The following CCDC91 variants were observed in gnomAD, a reference collection of about 807,000 sequenced individuals.
CCDC91 encodes coiled-coil domain containing 91.
A neutral mutation model predicts 63.2 loss-of-function variants in CCDC91; 48 were observed. The observed-to-expected ratio is 0.76, with a 90% CI of 0.60 to 0.97. The LOEUF is 0.97. CCDC91 is among the 50% of genes least tolerant of loss of function. The pLI, the probability that CCDC91 is intolerant of heterozygous loss-of-function variation, is 0.00. For synonymous variants in CCDC91, 167 were observed against 165.8 expected (o/e 1.01, Z -0.06); for missense variants, 500 against 494.6 (o/e 1.01, Z -0.10).
chr12:28,209,404 A>G (rs1372727032), intron 1 of CCDC91, among the ~76,000 whole-genome samples: 1 of 152,170 alleles, frequency 6.6e-6, no homozygotes, highest in African/African-American at 2.4e-5. Context: ...TCACACACAG[A>G]ATTTCTTTAA....
intron 1 of CCDC91, among the ~76,000 whole-genome samples, chr12:28,228,602 G>A (rs1944414544): frequency 6.6e-6 from 1 of 152,044 alleles, no homozygotes; most frequent in South Asian, 2.1e-4. Flanking sequence ...CTAAATTTTA[G>A]AAAGTTATTT....
chr12:28,342,859 A>C (rs1437987027), intron 6 of CCDC91, among the ~76,000 whole-genome samples: 2 of 152,112 alleles, frequency 1.3e-5, no homozygotes, highest in Non-Finnish European at 2.9e-5. Context: ...GAGTAAAGAG[A>C]GTTGAGGAGA....
Position 28,454,754 on chromosome 12 carries a change from G to A in CCDC91, c.1101+2100G>A, listed in dbSNP as rs1466932095. ...ATCCAACTTTCTTCCCACCAGAGAA[G>A]TTGAGAGCTGTGGGTTTCCTTTGAT... On this transcript the variant is annotated intron_variant, in intron 11 of 12. Transcript: ENST00000536442. Among the ~76,000 whole-genome samples the A allele has an allele frequency of 5.9e-5, 9 of 152,228 alleles. No homozygotes were observed. In the South Asian group the frequency reaches 1.5e-3, roughly 25 times the overall value.
chr12:28,333,206 T>G (rs757418220), intron 6 of CCDC91, among the ~76,000 whole-genome samples: 2 of 151,308 alleles, frequency 1.3e-5, no homozygotes. Flanking sequence ...CTATCATGGC[T>G]AACATGGTGA....
chr12:28,267,824 T>TA (rs1565699921), intron 3 of CCDC91, among the ~76,000 whole-genome samples: 1 of 30,820 alleles, frequency 3.2e-5, no homozygotes. Flanking sequence ...AATTATATTA[T>TA]TAATATATAA....
chr12:28,236,502 T>G (rs921955090), intron 1 of CCDC91: 1 of 151,950 alleles, frequency 6.6e-6, no homozygotes, highest in Non-Finnish European at 1.5e-5. Flanking sequence ...TATCTTTTCT[T>G]CATATAAAAT....
chr12:28,242,943 G>A (rs1158368564), intron 1 of CCDC91, among the ~76,000 whole-genome samples: 2 of 152,072 alleles, frequency 1.3e-5, no homozygotes, highest in African/African-American at 4.8e-5. Flanking sequence ...CTTCCCCTCT[G>A]CCTTCTGTCA....
At chr12:28,315,616 G>A (rs1022832806) in intron 6 of CCDC91, among the ~76,000 whole-genome samples, 1 of 151,832 alleles carries the variant, frequency 6.6e-6, no homozygotes, top group African/African-American at 2.4e-5. Context: ...TTCAATCCAG[G>A]ATCACATTAT....
At chr12:28,369,974 G>A (rs574573146) in intron 7 of CCDC91, among the ~76,000 whole-genome samples, 46 of 152,254 alleles carry the variant, frequency 3.0e-4, no homozygotes, top group Admixed American at 3.9e-4. Flanking sequence ...TCCCTCCTAG[G>A]CCTCTACGGG....
chr12:28,417,211 GCTTAT>G (rs1056218840), intron 8 of CCDC91, among the ~76,000 whole-genome samples: 3 of 151,724 alleles, frequency 2.0e-5, no homozygotes, highest in South Asian at 4.1e-4. Flanking sequence ...TAATTTTTTT[GCTTAT>G]CTTATTTGTG....
intron 1 of CCDC91, among the ~76,000 whole-genome samples, chr12:28,215,449 C>A (rs927398303): frequency 6.6e-6 from 1 of 152,066 alleles, no homozygotes; most frequent in African/African-American, 2.4e-5. Flanking sequence ...TGATTATTTC[C>A]TCTTCCAGTA....
At chr12:28,276,084 C>T (rs552340127) in intron 3 of CCDC91, among the ~76,000 whole-genome samples, 1 of 152,040 alleles carries the variant, frequency 6.6e-6, no homozygotes, top group South Asian at 2.1e-4. Context: ...CCCTCTCTCA[C>T]CACTCCTAAA....
chr12:28,252,515 C>T (rs1017421632), intron 1 of CCDC91, among the ~76,000 whole-genome samples: 26 of 151,608 alleles, frequency 1.7e-4, no homozygotes, highest in Middle Eastern at 3.4e-3. Flanking sequence ...ATTTTCTATC[C>T]GGCAGTTTTT....
At chr12:28,302,560 T>C in intron 3 of CCDC91, 6 of 789,134 alleles carry the variant, frequency 7.6e-6, no homozygotes, top group Non-Finnish European at 9.2e-6. Context: ...TTCTTATGGC[T>C]TTTACCTAGA....
At chr12:28,500,768 G>C (rs1002863) in intron 12 of CCDC91, among the ~76,000 whole-genome samples, 109,431 of 151,532 alleles carry the variant, frequency 0.72, 39,930 homozygotes, top group Middle Eastern at 0.78. Flanking sequence ...CAGAATAGAT[G>C]TATTCCATAG....
intron 3 of CCDC91, among the ~76,000 whole-genome samples, chr12:28,281,356 G>A (rs1948600547): frequency 6.6e-6 from 1 of 152,078 alleles, no homozygotes; most frequent in African/African-American, 2.4e-5. Flanking sequence ...AGGAAGGGCG[G>A]GTTAGAACCC....
intron 7 of CCDC91, among the ~76,000 whole-genome samples, chr12:28,387,853 T>C (rs1284939112): frequency 1.3e-5 from 2 of 152,180 alleles, no homozygotes; most frequent in African/African-American, 4.8e-5. Flanking sequence ...TAAACGTGTG[T>C]TCAAGTATCT....
chr12:28,528,953 A>G (rs528442916), intron 12 of CCDC91, among the ~76,000 whole-genome samples: 2 of 152,272 alleles, frequency 1.3e-5, no homozygotes, highest in South Asian at 2.1e-4. Flanking sequence ...TATGGTTGCA[A>G]AATCACCTGA....
chr12:28,372,800 T>C (rs974067602), intron 7 of CCDC91, among the ~76,000 whole-genome samples: 11 of 152,324 alleles, frequency 7.2e-5, no homozygotes, highest in African/African-American at 2.2e-4. Context: ...ATTCCTGTTT[T>C]CCAATTTAGA....
Sources: gnomAD v4.1 joint callset for allele counts (sites outside exome capture counted in the v4.1 genomes callset) on GRCh38, gnomAD v4.1.1 for gene constraint, MANE v1.5 for transcripts, NCBI Gene and HGNC (gene_info 2026-07-23, HGNC 2026-07-21) for gene names.